The following GHRHR variants were observed in gnomAD, a reference collection of about 807,000 sequenced individuals.
GHRHR encodes the protein growth hormone-releasing hormone receptor.
A neutral mutation model predicts 58.3 loss-of-function variants in GHRHR; 40 were observed. That is an observed-to-expected ratio of 0.69 (90% CI 0.53 to 0.89). The LOEUF (loss-of-function observed/expected upper bound fraction) is 0.89, where lower values mean the gene tolerates loss of function less well. Ranked by LOEUF, GHRHR falls within the 40% of genes least tolerant of loss-of-function variation. The pLI is 0.00. For missense variants in GHRHR, 551 were observed against 541.3 expected (o/e 1.02, Z -0.18); for synonymous variants, 249 against 216.6 (o/e 1.15, Z -1.31).
In GHRHR at chr7:30,977,265, T is replaced by A; in HGVS notation, c.1105-16T>A. On this transcript the variant is annotated splice_polypyrimidine_tract_variant and intron_variant, in intron 11 of 12. Coordinates refer to ENST00000326139, the MANE Select transcript of GHRHR (RefSeq NM_000823.4). ...CCAAAGGGTTCTGATGGGGTCTTTC[T>A]TCTTTGGACCCACAGGGCTTCATTG... 1 of 1,613,660 alleles carries A rather than the reference T, an allele frequency of 6.2e-7. No individual in the cohort carries two copies. The highest frequency in any genetic ancestry group is 8.5e-7 in the Non-Finnish European group (1 of 1,179,520).
intron 6 of GHRHR, 60 bp downstream of exon 6, chr7:30,972,155 C>A: frequency 1.3e-6 from 2 of 1,578,140 alleles, no homozygotes; most frequent in South Asian, 1.1e-5. Flanking sequence ...GGATTACAGA[C>A]CCAGATGTGC....
chr7:30,970,179 G>A (rs1431107615), intron 4 of GHRHR, among the ~76,000 whole-genome samples: 4 of 152,278 alleles, frequency 2.6e-5, no homozygotes, highest in South Asian at 4.1e-4. Flanking sequence ...AGGGAGAAGC[G>A]GGGCAGAGGG....
chr7:30,976,329 A>C lies in GHRHR; in HGVS notation c.975-100A>C, dbSNP rs4988503. The C allele has an allele frequency of 2.5e-4, 271 of 1,105,452 alleles. 2 individuals are homozygous for C. The South Asian group carries it at 3.3e-3, about 14-fold the overall frequency. The allele number at this position is 1,105,452 out of a possible 1,614,324, so 68.5% of individuals were successfully genotyped here. ...GCGTTTCCCAAGGTGGCTGTTCCAC[A>C]GAGTGGATATAGGGAGGTGGTAGGA... On this transcript the variant is annotated intron_variant, in intron 10 of 12. Coordinates refer to ENST00000326139, the MANE Select transcript of GHRHR (RefSeq NM_000823.4).
At chr7:30,967,357 T>C (rs2128596761) in intron 1 of GHRHR, among the ~76,000 whole-genome samples, 1 of 152,352 alleles carries the variant, frequency 6.6e-6, no homozygotes, top group South Asian at 2.1e-4. Flanking sequence ...TGAGGCACAC[T>C]TTCAGAAGTA....
rs879337316 is a variant in GHRHR at position 30,969,261 on chromosome 7, G to C, written c.268+91G>C. On this transcript the variant is annotated intron_variant, in intron 3 of 12. Transcript: ENST00000326139. ...ACTGGATTTGGGGGCAGGCTAACCT[G>C]GGTTTGTATACCAACTTCCCCTCTT... 2.7e-5 allele frequency: 24 copies of C among 889,478 alleles called. No homozygotes were observed. In the African/African-American group the frequency reaches 3.1e-4, roughly 12 times the overall value. The allele number at this position is 889,478 out of a possible 1,614,324, so 55.1% of individuals were successfully genotyped here. A position where few individuals can be genotyped will look rare whatever the true frequency, so the allele number is the denominator to read the frequency against.
chr7:30,968,584 T>G (rs935746776), intron 1 of GHRHR, among the ~76,000 whole-genome samples: 1 of 145,946 alleles, frequency 6.9e-6, no homozygotes, highest in African/African-American at 2.7e-5. Flanking sequence ...AAGAGAGGAT[T>G]AGACCTTCTG....
chr7:30,973,015 T>C (rs962357364), intron 6 of GHRHR, among the ~76,000 whole-genome samples: 1 of 152,244 alleles, frequency 6.6e-6, no homozygotes, highest in African/African-American at 2.4e-5. Context: ...AACTTAACTA[T>C]TGATTGCCTA....
At chr7:30,977,929 A>G (rs1393922239) in intron 12 of GHRHR, among the ~76,000 whole-genome samples, 2 of 152,220 alleles carry the variant, frequency 1.3e-5, no homozygotes, top group African/African-American at 4.8e-5. Context: ...AGACTGACGC[A>G]AAGTGAATTC....
chr7:30,968,690 C>A (rs1792410252), intron 1 of GHRHR, 144 bp from the exon 2 acceptor site: 1 of 423,414 alleles, frequency 2.4e-6, no homozygotes, highest in East Asian at 7.2e-5. Context: ...CCAAACACAC[C>A]TGAAACTACT....
At chr7:30,975,718 A>T in intron 9 of GHRHR, 59 bp from the exon 10 acceptor site, 1 of 982,654 alleles carries the variant, frequency 1.0e-6, no homozygotes, top group Non-Finnish European at 1.7e-6. Context: ...GGCTCACCCC[A>T]GCCACCCAAG....
At chr7:30,964,717 C>T (rs767071616) in intron 1 of GHRHR, among the ~76,000 whole-genome samples, 7 of 152,304 alleles carry the variant, frequency 4.6e-5, no homozygotes, top group East Asian at 3.9e-4. Flanking sequence ...CATCTTCTCA[C>T]GATGCTGAGG....
chr7:30,975,112 G>A, intron 9 of GHRHR, 72 bp downstream of exon 9: 1 of 1,017,632 alleles, frequency 9.8e-7, no homozygotes, highest in Non-Finnish European at 1.6e-6. Context: ...GCTGTGCACA[G>A]CAGGAAATGC....
chr7:30,977,247 G>C, intron 11 of GHRHR, 34 bp from the exon 12 acceptor site: 3 of 1,608,640 alleles, frequency 1.9e-6, no homozygotes, highest in African/African-American at 1.3e-5. Flanking sequence ...AGGCCAAAGG[G>C]TTCTGATGGG....
chr7:30,974,697 G>A (rs1462048475), intron 8 of GHRHR, among the ~76,000 whole-genome samples: 1 of 152,146 alleles, frequency 6.6e-6, no homozygotes, highest in Non-Finnish European at 1.5e-5. Flanking sequence ...GGGCTGTGGG[G>A]CTGGGGGAAG....
intron 4 of GHRHR, among the ~76,000 whole-genome samples, chr7:30,970,726 T>C (rs923079757): frequency 6.6e-6 from 1 of 152,224 alleles, no homozygotes; most frequent in African/African-American, 2.4e-5. Flanking sequence ...CAGGTGTCCC[T>C]GGCTATCTCC....
At position 30,979,276 on chromosome 7, in the gene GHRHR, T is replaced by G. The variant is rs898143487; in HGVS notation, c.*32T>G. On this transcript the variant is annotated 3_prime_UTR_variant, in exon 13 of 13. Coordinates refer to ENST00000326139, the MANE Select transcript of GHRHR (RefSeq NM_000823.4). Reference sequence around the variant, plus strand: ...TCATCACGCCACTGGAGTCCACACTTGAATTTGGGCAGCTACCACGGGTCT... The same window carrying G: ...TCATCACGCCACTGGAGTCCACACTGGAATTTGGGCAGCTACCACGGGTCT... 3 of 1,609,824 alleles carry G rather than the reference T, an allele frequency of 1.9e-6. No homozygotes were observed. The highest frequency in any genetic ancestry group is 2.5e-6 in the Non-Finnish European group (3 of 1,177,976).
At chr7:30,970,436 G>A (rs550274843) in intron 4 of GHRHR, among the ~76,000 whole-genome samples, 1 of 152,334 alleles carries the variant, frequency 6.6e-6, no homozygotes, top group East Asian at 1.9e-4. Flanking sequence ...GTATCCAGCA[G>A]GGCCTTTGCC....
rs772601101 is a variant in GHRHR, at chr7:30,977,293, GCCAT to G, written c.1120_1123del (p.Ile374SerfsTer9). 10 of 1,614,090 alleles carry G rather than the reference GCCAT, an allele frequency of 6.2e-6. No homozygotes were observed. The East Asian group carries it at 2.0e-4, about 32-fold the overall frequency. On this transcript the variant is annotated frameshift_variant, in exon 12 of 13. Transcript: ENST00000326139. LOFTEE classifies it high-confidence loss of function. ...TTTGGACCCACAGGGCTTCATTGTT[GCCAT>G]CCTCTACTGCTTCCTCAACCAAGAG... is the stretch of plus-strand genomic sequence containing the variant.
chr7:30,967,434 C>T (rs992406223), intron 1 of GHRHR, among the ~76,000 whole-genome samples: 5 of 152,230 alleles, frequency 3.3e-5, no homozygotes, highest in African/African-American at 1.2e-4. Context: ...CTCATGGCCA[C>T]TGTGTAGCAC....
Sources: allele counts gnomAD v4.1 joint callset (sites outside exome capture counted in the v4.1 genomes callset), GRCh38; gene constraint gnomAD v4.1.1; transcripts MANE v1.5; gene names NCBI Gene and HGNC (gene_info 2026-07-23, HGNC 2026-07-21).